The following NFIB variants were observed in gnomAD, a reference collection of about 807,000 sequenced individuals.
The protein encoded by NFIB is nuclear factor I B.
In NFIB, 11 loss-of-function variants were observed where a neutral mutation model predicts 61.5. The observed-to-expected ratio is 0.18, with a 90% CI of 0.11 to 0.30. NFIB has a LOEUF of 0.30. Among genes scored for constraint, NFIB ranks in the 10% least tolerant of loss-of-function variants. NFIB has a pLI of 1.00. For missense variants in NFIB, 471 were observed against 608.9 expected, an observed-to-expected ratio of 0.77 and a Z score of 2.38; for synonymous variants, 260 against 216.5, an observed-to-expected ratio of 1.20 and a Z score of -1.76.
the NFIB span, among the ~76,000 whole-genome samples, chr9:14,422,882 C>T: frequency 3.3e-5 from 5 of 152,108 alleles, no homozygotes; most frequent in South Asian, 2.1e-4. Flanking sequence ...GCATGTAAAA[C>T]AAAGATGCAC....
the NFIB span, among the ~76,000 whole-genome samples, chr9:14,512,141 T>C: frequency 2.6e-5 from 4 of 152,188 alleles, no homozygotes; most frequent in Non-Finnish European, 5.9e-5. Context: ...TAACTCTGGG[T>C]TTCCCAAGAT....
the NFIB span, among the ~76,000 whole-genome samples, chr9:14,497,139 G>C: frequency 6.6e-6 from 1 of 152,184 alleles, no homozygotes; most frequent in Admixed American, 6.5e-5. Flanking sequence ...TAATTTGAGG[G>C]TCTTAAGTTA....
chr9:14,216,546 C>CTCTCTGTGTG (rs2050942500), intron 2 of NFIB, among the ~76,000 whole-genome samples: 1 of 21,512 alleles, frequency 4.6e-5, no homozygotes. Context: ...CTCTCTCCCT[C>CTCTCTGTGTG]TGTGTGTGTG....
At chr9:14,507,122 C>T in the NFIB span, among the ~76,000 whole-genome samples, 281 of 152,284 alleles carry the variant, frequency 1.8e-3, 2 homozygotes, top group African/African-American at 5.7e-3. Context: ...TAAGGAAATA[C>T]CGCATAACTA....
chr9:14,509,990 A>G, the NFIB span, among the ~76,000 whole-genome samples: 8 of 152,130 alleles, frequency 5.3e-5, no homozygotes, highest in Non-Finnish European at 8.8e-5. Context: ...TTCGCTTCCC[A>G]GGTTCAAGTG....
the NFIB span, among the ~76,000 whole-genome samples, chr9:14,506,592 T>C: frequency 2.1e-4 from 32 of 152,246 alleles, no homozygotes; most frequent in African/African-American, 7.2e-4. Flanking sequence ...AAAATAAATA[T>C]GGAGAGATGC....
chr9:14,410,730 C>G, the NFIB span, among the ~76,000 whole-genome samples: 2 of 152,136 alleles, frequency 1.3e-5, no homozygotes, highest in Admixed American at 6.5e-5. Context: ...CTAGTTTTGA[C>G]ACGAAACAAC....
At chr9:14,093,677 T>G (rs1369661635) in intron 10 of NFIB, among the ~76,000 whole-genome samples, 1 of 152,104 alleles carries the variant, frequency 6.6e-6, no homozygotes, top group African/African-American at 2.4e-5. Flanking sequence ...ACACAAGTAT[T>G]AGCATTTCTT....
chr9:14,420,798 G>T, the NFIB span, among the ~76,000 whole-genome samples: 1 of 152,082 alleles, frequency 6.6e-6, no homozygotes, highest in African/African-American at 2.4e-5. Context: ...TCCTACCAGG[G>T]GAAATGGGTT....
Position 14,084,131 on chromosome 9 carries a change from C to G in NFIB, c.*4178G>C. The G allele has an allele frequency of 4.9e-6, 1 of 203,800 alleles. No homozygotes were observed. The allele number at this position is 203,800 out of a possible 1,614,324, so 12.6% of individuals were successfully genotyped here. A position where few individuals can be genotyped will look rare whatever the true frequency, so the allele number is the denominator to read the frequency against. ...CAGGAATCTGTGAAATAACTCCTAA[C>G]ATGGACAGATTTTCTTTTTAATACA... On this transcript the variant is annotated 3_prime_UTR_variant, in exon 11 of 11. Coordinates refer to ENST00000380953, the MANE Select transcript of NFIB (RefSeq NM_001190737.2).
chr9:14,127,577 A>G (rs1276375997), intron 6 of NFIB, among the ~76,000 whole-genome samples: 3 of 152,198 alleles, frequency 2.0e-5, no homozygotes, highest in Non-Finnish European at 2.9e-5. Flanking sequence ...TATTAAAAGA[A>G]AAAAACACCA....
chr9:14,471,313 C>CT, the NFIB span, among the ~76,000 whole-genome samples: 1 of 152,144 alleles, frequency 6.6e-6, no homozygotes, highest in African/African-American at 2.4e-5. Context: ...GATTTGCCTC[C>CT]CCCCTGAGGT....
intron 2 of NFIB, among the ~76,000 whole-genome samples, chr9:14,299,388 G>T (rs988350359): frequency 6.6e-6 from 1 of 152,118 alleles, no homozygotes; most frequent in Admixed American, 6.5e-5. Flanking sequence ...TGAGAGATGT[G>T]TACTTCAAAA....
rs540377637 is a variant in NFIB, at chr9:14,230,596, A to T, written c.563-50816T>A. ...ATAGTACGCACTTAACTAAAAATAC[A>T]TGAAAGAGAAAAGGAAGATTAGCTT... On this transcript the variant is annotated intron_variant, in intron 2 of 10. Coordinates refer to ENST00000380953, the MANE Select transcript of NFIB (RefSeq NM_001190737.2). 2.6e-5 allele frequency among the ~76,000 whole-genome samples: 4 copies of T among 152,334 alleles called. No individual in the cohort carries two copies. The East Asian group carries it at 5.8e-4, about 22-fold the overall frequency.
intron 10 of NFIB, among the ~76,000 whole-genome samples, chr9:14,107,605 T>C (rs1427099938): frequency 2.0e-5 from 3 of 152,102 alleles, no homozygotes; most frequent in Non-Finnish European, 4.4e-5. Flanking sequence ...GTTCAACCTC[T>C]TCATTTTCCT....
At chr9:14,294,817 T>C (rs1312005916) in intron 2 of NFIB, among the ~76,000 whole-genome samples, 2 of 152,202 alleles carry the variant, frequency 1.3e-5, no homozygotes, top group African/African-American at 4.8e-5. Context: ...TACGTCAATG[T>C]GACACGTGAT....
chr9:14,094,773 A>G (rs1474592660), intron 10 of NFIB, among the ~76,000 whole-genome samples: 4 of 152,120 alleles, frequency 2.6e-5, no homozygotes, highest in Non-Finnish European at 5.9e-5. Flanking sequence ...TTGTTTCTTA[A>G]CTAAGTAGGT....
chr9:14,356,818 G>T (rs2061181449), intron 1 of NFIB, among the ~76,000 whole-genome samples: 1 of 152,042 alleles, frequency 6.6e-6, no homozygotes, highest in Admixed American at 6.5e-5. Context: ...TAATTTGGAA[G>T]GGAAACTTTT....
intron 1 of NFIB, among the ~76,000 whole-genome samples, chr9:14,309,200 G>GAT: frequency 6.6e-6 from 1 of 152,116 alleles, no homozygotes. Flanking sequence ...TAAATATGAT[G>GAT]AAAGTACAAC....
Sources: gnomAD v4.1 joint callset for allele counts (sites outside exome capture counted in the v4.1 genomes callset) on GRCh38, gnomAD v4.1.1 for gene constraint, MANE v1.5 for transcripts, NCBI Gene and HGNC (gene_info 2026-07-23, HGNC 2026-07-21) for gene names.